KHDRBS3: variants seen among roughly 807,000 people sequenced by gnomAD.
The protein encoded by KHDRBS3 is KH domain-containing, RNA-binding, signal transduction-associated protein 3.
A neutral mutation model predicts 45.6 loss-of-function variants in KHDRBS3; 23 were observed. The ratio of observed to expected loss-of-function variants is 0.50; its 90% CI spans 0.36 to 0.72. The LOEUF (loss-of-function observed/expected upper bound fraction) is 0.72, where lower values mean the gene tolerates loss of function less well. KHDRBS3 is among the 30% of genes least tolerant of loss of function. KHDRBS3 has a pLI of 0.00. For synonymous variants in KHDRBS3, 162 were observed against 156.5 expected (o/e 1.04, Z -0.26); for missense variants, 352 against 424.8 (o/e 0.83, Z 1.51).
intron 1 of KHDRBS3, among the ~76,000 whole-genome samples, chr8:135,480,242 T>G (rs1032668835): frequency 1.3e-5 from 2 of 152,182 alleles, no homozygotes; most frequent in Admixed American, 6.5e-5. Context: ...AGCAAAGATG[T>G]TGTCTTTACC....
chr8:135,609,467 G>A (rs1057162193), intron 7 of KHDRBS3, among the ~76,000 whole-genome samples: 3 of 151,844 alleles, frequency 2.0e-5, no homozygotes, highest in African/African-American at 7.3e-5. Context: ...GCTGATTTTT[G>A]TATTTATAGT....
chr8:135,547,101 TGA>T (rs1319674893), intron 3 of KHDRBS3, among the ~76,000 whole-genome samples: 1 of 152,186 alleles, frequency 6.6e-6, no homozygotes, highest in Non-Finnish European at 1.5e-5. Context: ...ACTTGAGCAA[TGA>T]GAGAGATTCA....
chr8:135,548,873 G>A lies in KHDRBS3; in HGVS notation c.444G>A (p.Leu148=). The A allele has an allele frequency of 6.3e-7, 1 of 1,591,350 alleles. No homozygotes were observed. Among genetic ancestry groups the A allele is most frequent in the Non-Finnish European group, 8.5e-7 (1 of 1,170,790 alleles). The stretch of plus-strand genomic sequence containing the variant: ...CTTATGCCAGGATGGGACATGCTTT[G>A]GAAGAAATCAAAAAGTTCCTCATCC... ...AEAYARMGHA[L]EEIKKFLIPD... The change falls in exon 4 of 9, where the codon TTG becomes TTA. Residue 148 remains leucine, a synonymous_variant. Transcript: ENST00000355849.
intron 6 of KHDRBS3, among the ~76,000 whole-genome samples, chr8:135,601,190 T>C (rs563769706): frequency 1.3e-5 from 2 of 152,340 alleles, no homozygotes; most frequent in South Asian, 4.1e-4. Flanking sequence ...AGTCCAGCAA[T>C]GTAATGAACA....
intron 2 of KHDRBS3, among the ~76,000 whole-genome samples, chr8:135,531,169 T>C (rs75486738): frequency 0.011 from 1,735 of 152,308 alleles, 30 homozygotes; most frequent in African/African-American, 0.037. Context: ...TGTGTGTGCA[T>C]GTCTATGTTT....
At chr8:135,640,712 C>T (rs1361923525) in intron 7 of KHDRBS3, among the ~76,000 whole-genome samples, 2 of 152,088 alleles carry the variant, frequency 1.3e-5, no homozygotes, top group African/African-American at 2.4e-5. Context: ...AAGGGAAGCC[C>T]CCCTCTTGAT....
At chr8:135,484,797 G>A (rs756863741) in intron 1 of KHDRBS3, among the ~76,000 whole-genome samples, 2 of 152,162 alleles carry the variant, frequency 1.3e-5, no homozygotes, top group African/African-American at 2.4e-5. Flanking sequence ...TTCAGCCAGA[G>A]GCTCAGCCTG....
In KHDRBS3 at chr8:135,527,988, C is replaced by T. The variant is rs56127022; in HGVS notation, c.207+6633C>T. Among the ~76,000 whole-genome samples, 407 of 152,220 alleles carry T rather than the reference C, an allele frequency of 2.7e-3. 2 individuals carry two copies. The highest frequency in any genetic ancestry group is 0.017 in the Middle Eastern group (5 of 294). On this transcript the variant is annotated intron_variant, in intron 2 of 8. Coordinates refer to ENST00000355849, the MANE Select transcript of KHDRBS3 (RefSeq NM_006558.3). Reference sequence around the variant, plus strand: ...GCAAAATGTGCCTGAGGTTTTTACTCAGGAGGTATTTTTGTACTGTGATTG... The same window carrying T: ...GCAAAATGTGCCTGAGGTTTTTACTTAGGAGGTATTTTTGTACTGTGATTG...
intron 6 of KHDRBS3, among the ~76,000 whole-genome samples, chr8:135,595,307 T>C (rs1828925103): frequency 6.6e-6 from 1 of 152,220 alleles, no homozygotes; most frequent in Non-Finnish European, 1.5e-5. Context: ...GGCTTGGTTG[T>C]ATTCACTTGG....
At chr8:135,615,916 A>G (rs1829895768) in intron 7 of KHDRBS3, among the ~76,000 whole-genome samples, 1 of 152,202 alleles carries the variant, frequency 6.6e-6, no homozygotes, top group Admixed American at 6.5e-5. Flanking sequence ...GAGAAGCAAG[A>G]CTGAGCTTCT....
At chr8:135,645,653 T>A (rs1208508088) in intron 8 of KHDRBS3, among the ~76,000 whole-genome samples, 1 of 152,210 alleles carries the variant, frequency 6.6e-6, no homozygotes, top group East Asian at 1.9e-4. Flanking sequence ...AAACCCCTCT[T>A]AATTCAGTGG....
chr8:135,630,895 A>G (rs1019923120), intron 7 of KHDRBS3, among the ~76,000 whole-genome samples: 6 of 152,192 alleles, frequency 3.9e-5, no homozygotes, highest in African/African-American at 1.4e-4. Context: ...CTGGGACGTT[A>G]CTATGCACTA....
Position 135,647,253 on chromosome 8 carries a change from A to AT in KHDRBS3, c.*169_*170insT. The AT allele has an allele frequency of 2.5e-6, 1 of 403,026 alleles. No homozygotes were observed. Among genetic ancestry groups the AT allele is most frequent in the Non-Finnish European group, 4.4e-6 (1 of 226,868 alleles). 25.0% of individuals were successfully genotyped at this position (403,026 alleles called of 1,614,324 possible). ...AAACATCAACCTGGGCAGAAAAAAAAAAAAAAAGACATGTAAAATTTTGTT... is the reference window on the plus strand; with the variant it reads ...AAACATCAACCTGGGCAGAAAAAAAATAAAAAAAGACATGTAAAATTTTGTT... On this transcript the variant is annotated 3_prime_UTR_variant, in exon 9 of 9. Coordinates refer to ENST00000355849, the MANE Select transcript of KHDRBS3 (RefSeq NM_006558.3).
intron 1 of KHDRBS3, among the ~76,000 whole-genome samples, chr8:135,470,549 T>C (rs778259077): frequency 6.6e-6 from 1 of 151,988 alleles, no homozygotes; most frequent in Non-Finnish European, 1.5e-5. Context: ...CTCATCCCTT[T>C]TTCCCCCTTG....
intron 4 of KHDRBS3, among the ~76,000 whole-genome samples, chr8:135,556,635 C>T (rs958778220): frequency 1.3e-5 from 2 of 152,134 alleles, no homozygotes; most frequent in Non-Finnish European, 1.5e-5. Context: ...GGTTATTACC[C>T]CTTTAATTCT....
At chr8:135,515,323 G>A (rs1157029048) in intron 1 of KHDRBS3, among the ~76,000 whole-genome samples, 1 of 122,024 alleles carries the variant, frequency 8.2e-6, no homozygotes, top group African/African-American at 3.1e-5. Flanking sequence ...CCAAGATCAC[G>A]CCACTGCACT....
intron 1 of KHDRBS3, among the ~76,000 whole-genome samples, chr8:135,475,601 A>C (rs540673133): frequency 8.3e-4 from 127 of 152,174 alleles, no homozygotes; most frequent in African/African-American, 2.9e-3. Context: ...TATGGGGGCC[A>C]CCACATCTGG....
chr8:135,570,329 T>G (rs533090074), intron 5 of KHDRBS3, among the ~76,000 whole-genome samples: 18 of 152,308 alleles, frequency 1.2e-4, no homozygotes, highest in Non-Finnish European at 2.1e-4. Flanking sequence ...TGATTAAGAA[T>G]ATTATAGATG....
chr8:135,576,501 C>T (rs1827951835), intron 5 of KHDRBS3, among the ~76,000 whole-genome samples: 1 of 152,112 alleles, frequency 6.6e-6, no homozygotes, highest in African/African-American at 2.4e-5. Flanking sequence ...CAGATTGTCT[C>T]AGCTTTGGCC....
Sources: gnomAD v4.1 joint callset for allele counts (sites outside exome capture counted in the v4.1 genomes callset) on GRCh38, gnomAD v4.1.1 for gene constraint, MANE v1.5 for transcripts, NCBI Gene and HGNC (gene_info 2026-07-23, HGNC 2026-07-21) for gene names.